G6PC1: variants seen among roughly 807,000 people sequenced by gnomAD.
G6PC1 encodes glucose-6-phosphatase catalytic subunit 1, also known as G-6-Pase.
G6PC1 carries 23 observed loss-of-function variants against 30.4 expected under a neutral mutation model. That is an observed-to-expected ratio of 0.76 (90% CI 0.55 to 1.07). The LOEUF is 1.07. Ranked by LOEUF, G6PC1 falls within the 50% of genes least tolerant of loss-of-function variation. The pLI is 0.00. For synonymous variants in G6PC1, 163 were observed against 175.6 expected (o/e 0.93, Z 0.57); for missense variants, 391 against 433.9 (o/e 0.90, Z 0.88).
intron 1 of G6PC1, among the ~76,000 whole-genome samples, chr17:42,903,377 C>T (rs141400800): frequency 2.0e-5 from 3 of 151,850 alleles, no homozygotes; most frequent in Non-Finnish European, 4.4e-5. Context: ...AGCCACCGCG[C>T]CTGCCTGGAG....
chr17:42,903,663 G>A lies in G6PC1; in HGVS notation c.231-268G>A, dbSNP rs565846976. On this transcript the variant is annotated intron_variant, in intron 1 of 4. Transcript: ENST00000253801. ...AGAGGTCACAATGAGCCGAGATTGC[G>A]CCACTGCACTCCAGGCTGGGTTACT... Among the ~76,000 whole-genome samples the A allele has an allele frequency of 1.1e-4, 16 of 151,818 alleles. No individual in the cohort carries two copies. The South Asian group carries it at 2.7e-3, about 26-fold the overall frequency.
At chr17:42,910,856 C>T (rs1220726502) in intron 4 of G6PC1, 59 bp from the exon 5 acceptor site, 9 of 1,559,738 alleles carry the variant, frequency 5.8e-6, no homozygotes, top group Non-Finnish European at 7.9e-6. Flanking sequence ...TCCAAACCCA[C>T]CTCTAGCAAA....
At chr17:42,909,274 TTC>T in intron 3 of G6PC1, 27 bp from the exon 4 acceptor site, 1 of 1,496,698 alleles carries the variant, frequency 6.7e-7, no homozygotes, top group Non-Finnish European at 9.3e-7. Flanking sequence ...TGCACCTGTG[TTC>T]TGTTATGGTT....
At position 42,911,119 on chromosome 17, in the gene G6PC1, C is replaced by G; in HGVS notation, c.767C>G (p.Thr256Arg). 1.2e-6 allele frequency: 2 copies of G among 1,614,144 alleles called. No homozygotes were observed. Residue 256 changes from threonine (T) to arginine (R), a missense_variant, in exon 5 of 5, where the codon ACA becomes AGA. By Grantham distance (71) the Thr-to-Arg change is moderately conservative (BLOSUM62 -1). Transcript: ENST00000253801. ...CCAGAATGGGTCCACATTGACACCA[C>G]ACCCTTTGCCAGCCTCCTCAAGAAC... The part of the protein sequence containing the change: ...EQPEWVHIDT[T>R]PFASLLKNLG...
chr17:42,906,921 TGCAAGCAGG>T (rs930072010), intron 2 of G6PC1, among the ~76,000 whole-genome samples: 1 of 151,988 alleles, frequency 6.6e-6, no homozygotes, highest in Non-Finnish European at 1.5e-5. Context: ...CGGAACCGGT[TGCAAGCAGG>T]GTTAAATAGC....
At position 42,911,300 on chromosome 17, in the gene G6PC1, C is replaced by A. The variant is rs137978566; in HGVS notation, c.948C>A (p.Ser316=). The A allele has an allele frequency of 1.7e-4, 281 of 1,614,076 alleles. No homozygotes were observed. Among genetic ancestry groups the A allele is most frequent in the Non-Finnish European group, 2.3e-4 (266 of 1,180,050 alleles). Residue 316 remains serine (S), a synonymous_variant, in exon 5 of 5, where the codon TCC becomes TCA. Transcript: ENST00000253801. ...LHVFDSLKPP[S]QVELVFYVLS... ...TCTTTGACTCCTTGAAACCCCCATC[C>A]CAAGTCGAGCTGGTCTTCTACGTCT... is the stretch of plus-strand genomic sequence containing the variant.
In G6PC1 at chr17:42,911,415, A is replaced by G. The variant is rs758318402; in HGVS notation, c.1063A>G (p.Lys355Glu). Residue 355 changes from lysine (K) to glutamate (E), a missense_variant, in exon 5 of 5, where the codon AAG becomes GAG. Physicochemically the swap from Lys to Glu is moderately conservative, Grantham distance 56. Transcript: ENST00000253801. The stretch of plus-strand genomic sequence containing the variant: ...CCAGGTCCTGGGCCAGCCGCACAAG[A>G]AGTCGTTGTAAGAGATGTGGAGTCT... The part of the protein sequence containing the change: ...LAQVLGQPHK[K>E]SL 3.1e-6 allele frequency: 5 copies of G among 1,614,146 alleles called. No individual in the cohort carries two copies. In the East Asian group the frequency reaches 1.1e-4, roughly 36 times the overall value.
rs2056111908 is a variant in G6PC1 at position 42,914,033 on chromosome 17, A to G, written c.*2607A>G. ...TCTCCTACTGGATTTGGGCTCTCAG[A>G]GGGCGTTGTGGGAACCAGGCCCCTC... is the stretch of plus-strand genomic sequence containing the variant. On this transcript the variant is annotated 3_prime_UTR_variant, in exon 5 of 5. Transcript: ENST00000253801. Among the ~76,000 whole-genome samples the G allele has an allele frequency of 6.6e-6, 1 of 152,038 alleles. No homozygotes were observed. Among genetic ancestry groups the G allele is most frequent in the Admixed American group, 6.6e-5 (1 of 15,250 alleles).
At chr17:42,903,794 T>G (rs2056041683) in intron 1 of G6PC1, 137 bp from the exon 2 acceptor site, 2 of 710,982 alleles carry the variant, frequency 2.8e-6, no homozygotes, top group Admixed American at 2.0e-5. Context: ...CCTCTCACAC[T>G]TCTCCCCAGC....
At chr17:42,901,259 A>C (rs1297205554) in intron 1 of G6PC1, among the ~76,000 whole-genome samples, 153 bp downstream of exon 1, 1 of 152,200 alleles carries the variant, frequency 6.6e-6, no homozygotes, top group Non-Finnish European at 1.5e-5. Context: ...GATCATCTAC[A>C]TAAAGGGGGA....
At chr17:42,901,644 G>A in intron 1 of G6PC1, among the ~76,000 whole-genome samples, 1 of 151,514 alleles carries the variant, frequency 6.6e-6, no homozygotes. Flanking sequence ...GGAGGAGGTT[G>A]CAGTGAGTCA....
Position 42,911,321 on chromosome 17 carries a change from C to A in G6PC1, c.969C>A (p.Tyr323Ter), listed in dbSNP as rs780226142. 76 of 1,614,226 alleles carry A rather than the reference C, an allele frequency of 4.7e-5. No homozygotes were observed. Among genetic ancestry groups the A allele is most frequent in the Non-Finnish European group, 6.4e-5 (75 of 1,180,048 alleles). The change falls in exon 5 of 5, where the codon TAC (tyrosine) becomes TAA (stop). Residue 323 changes from tyrosine (Y) to a stop codon, truncating the protein, a stop_gained. Coordinates refer to ENST00000253801, the MANE Select transcript of G6PC1 (RefSeq NM_000151.4). LOFTEE classifies it high-confidence loss of function. ...KPPSQVELVF[Y>*]VLSFCKSAVV... is the part of the protein sequence containing the mutation. ...CATCCCAAGTCGAGCTGGTCTTCTA[C>A]GTCTTGTCCTTCTGCAAGAGTGCGG...
In G6PC1 at chr17:42,913,628, C is replaced by A. The variant is rs937035940; in HGVS notation, c.*2202C>A. 6.6e-6 allele frequency among the ~76,000 whole-genome samples: 1 copy of A among 152,180 alleles called. No homozygotes were observed. Among genetic ancestry groups the A allele is most frequent in the Admixed American group, 6.6e-5 (1 of 15,266 alleles). ...CCAAGAATGAACATTGGCTACCAGACCACAAGTCAGCATGAGTTGCTCTAT... is the reference window on the plus strand; with the variant it reads ...CCAAGAATGAACATTGGCTACCAGAACACAAGTCAGCATGAGTTGCTCTAT... On this transcript the variant is annotated 3_prime_UTR_variant, in exon 5 of 5. Coordinates refer to ENST00000253801, the MANE Select transcript of G6PC1 (RefSeq NM_000151.4).
At position 42,911,642 on chromosome 17, in the gene G6PC1, G is replaced by T; in HGVS notation, c.*216G>T. ...TCAGCACAGACTCTTTCAGATGGAG[G>T]TGCCATATCACGTACACCATATGCA... On this transcript the variant is annotated 3_prime_UTR_variant, in exon 5 of 5. Coordinates refer to ENST00000253801, the MANE Select transcript of G6PC1 (RefSeq NM_000151.4). 1 of 647,470 alleles carries T rather than the reference G, an allele frequency of 1.5e-6. No individual in the cohort carries two copies. Among genetic ancestry groups the T allele is most frequent in the South Asian group, 1.8e-5 (1 of 54,092 alleles). 40.1% of individuals were successfully genotyped at this position (647,470 alleles called of 1,614,324 possible). A position where few individuals can be genotyped will look rare whatever the true frequency, so the allele number is the denominator to read the frequency against.
Position 42,903,911 on chromosome 17 carries a change from C to A in G6PC1, c.231-20C>A, listed in dbSNP as rs1390405075. 6.5e-7 allele frequency: 1 copy of A among 1,529,104 alleles called. No homozygotes were observed. The highest frequency in any genetic ancestry group is 9.1e-7 in the Non-Finnish European group (1 of 1,102,772). 94.7% of individuals were successfully genotyped at this position (1,529,104 alleles called of 1,614,324 possible). Reference sequence around the variant, plus strand: ...AGCATTCATTCAGTAACCCCAGAAACTTGTTCTGTTTTTCCATAGGATTCT... The same window carrying A: ...AGCATTCATTCAGTAACCCCAGAAAATTGTTCTGTTTTTCCATAGGATTCT... On this transcript the variant is annotated intron_variant, in intron 1 of 4. Transcript: ENST00000253801.
chr17:42,910,589 C>T (rs56011240), intron 4 of G6PC1, among the ~76,000 whole-genome samples: 24,135 of 152,174 alleles, frequency 0.16, 2,497 homozygotes, highest in Non-Finnish European at 0.23. Flanking sequence ...CAATCAATTC[C>T]GTTCAAAGAT....
intron 4 of G6PC1, 130 bp from the exon 5 acceptor site, chr17:42,910,785 C>A: frequency 1.1e-6 from 1 of 880,530 alleles, no homozygotes. Context: ...AGGCGACCCT[C>A]CCATCTGCCA....
chr17:42,908,492 C>T (rs972859195), intron 3 of G6PC1, among the ~76,000 whole-genome samples: 4 of 151,468 alleles, frequency 2.6e-5, no homozygotes, highest in South Asian at 4.2e-4. Flanking sequence ...CTGCAACCTC[C>T]GCTTCCTGGG....
At position 42,914,262 on chromosome 17, in the gene G6PC1, A is replaced by G. The variant is rs2056113160; in HGVS notation, c.*2836A>G. ...AATGGTTTTGATCTGTCTGAACTGA[A>G]CCCTACTGCTTAGGCATAGCCCCAT... On this transcript the variant is annotated 3_prime_UTR_variant, in exon 5 of 5. Coordinates refer to ENST00000253801, the MANE Select transcript of G6PC1 (RefSeq NM_000151.4). Among the ~76,000 whole-genome samples, 1 of 151,874 alleles carries G rather than the reference A, an allele frequency of 6.6e-6. No individual in the cohort carries two copies. Among genetic ancestry groups the G allele is most frequent in the African/African-American group, 2.4e-5 (1 of 41,320 alleles).
Sources: gnomAD v4.1 joint callset for allele counts (sites outside exome capture counted in the v4.1 genomes callset) on GRCh38, gnomAD v4.1.1 for gene constraint, MANE v1.5 for transcripts, NCBI Gene and HGNC (gene_info 2026-07-23, HGNC 2026-07-21) for gene names.